The following LRRC4C variants were observed in gnomAD, a reference collection of about 807,000 sequenced individuals.
LRRC4C encodes leucine-rich repeat-containing protein 4C.
Under a neutral mutation model 33.6 loss-of-function variants are expected in LRRC4C, and 5 were observed. The observed-to-expected ratio is 0.15, with a 90% CI of 0.08 to 0.31. The LOEUF is 0.31. Ranked by LOEUF, LRRC4C falls within the 10% of genes least tolerant of loss-of-function variation. The pLI is 1.00. For missense variants in LRRC4C, 560 were observed against 796.7 expected, an observed-to-expected ratio of 0.70 and a Z score of 3.58; for synonymous variants, 329 against 302.0, an observed-to-expected ratio of 1.09 and a Z score of -0.93.
chr11:41,002,527 C>A (rs1040082781), intron 1 of LRRC4C, among the ~76,000 whole-genome samples: 5 of 152,140 alleles, frequency 3.3e-5, no homozygotes, highest in Admixed American at 3.3e-4. Flanking sequence ...TCTGTTTTTG[C>A]TACCAACTTT....
intron 3 of LRRC4C, among the ~76,000 whole-genome samples, chr11:40,632,410 A>T (rs951315867): frequency 1.3e-5 from 2 of 152,194 alleles, no homozygotes; most frequent in African/African-American, 4.8e-5. Context: ...AAGGAAGTAG[A>T]TTGATGATGT....
chr11:41,259,182 A>G (rs1481312407), intron 1 of LRRC4C, among the ~76,000 whole-genome samples: 1 of 151,980 alleles, frequency 6.6e-6, no homozygotes, highest in Non-Finnish European at 1.5e-5. Context: ...CGAACTTCTC[A>G]AGTAGAGATA....
intron 2 of LRRC4C, among the ~76,000 whole-genome samples, chr11:40,740,574 T>A (rs1948108465): frequency 6.6e-6 from 1 of 152,100 alleles, no homozygotes; most frequent in South Asian, 2.1e-4. Context: ...TTGCATATAT[T>A]TTCCCCCATT....
intron 1 of LRRC4C, among the ~76,000 whole-genome samples, chr11:41,211,455 G>A (rs189933543): frequency 4.4e-4 from 67 of 152,158 alleles, no homozygotes; most frequent in African/African-American, 1.5e-3. Flanking sequence ...CATTAGGTAT[G>A]TCTCCTAATG....
At chr11:41,264,520 G>T (rs1443369438) in intron 1 of LRRC4C, among the ~76,000 whole-genome samples, 1 of 152,120 alleles carries the variant, frequency 6.6e-6, no homozygotes, top group African/African-American at 2.4e-5. Context: ...TAGAATGAGA[G>T]AAAGGTCACA....
chr11:40,968,981 C>A (rs762075508), intron 1 of LRRC4C, among the ~76,000 whole-genome samples: 1 of 152,096 alleles, frequency 6.6e-6, no homozygotes, highest in African/African-American at 2.4e-5. Flanking sequence ...GTAGTGATTT[C>A]TTTAATGGAT....
intron 3 of LRRC4C, among the ~76,000 whole-genome samples, chr11:40,361,569 G>A (rs765792508): frequency 7.9e-5 from 12 of 152,058 alleles, no homozygotes; most frequent in Non-Finnish European, 1.5e-4. Flanking sequence ...ATCTTTACAA[G>A]GATAATTACA....
At chr11:40,153,498 G>T (rs906114349) in intron 5 of LRRC4C, among the ~76,000 whole-genome samples, 2 of 151,946 alleles carry the variant, frequency 1.3e-5, no homozygotes, top group Admixed American at 1.3e-4. Flanking sequence ...ATCAGGGAGG[G>T]ACCAGAGAAA....
intron 3 of LRRC4C, among the ~76,000 whole-genome samples, chr11:40,513,883 A>G (rs1180038707): frequency 6.6e-6 from 1 of 152,162 alleles, no homozygotes; most frequent in Non-Finnish European, 1.5e-5. Flanking sequence ...CTCACAGGAA[A>G]GGGTGATAGA....
At chr11:40,464,024 C>A (rs781121185) in intron 3 of LRRC4C, among the ~76,000 whole-genome samples, 6 of 151,954 alleles carry the variant, frequency 3.9e-5, no homozygotes, top group Admixed American at 3.9e-4. Flanking sequence ...AGCAAGCACA[C>A]AACAACAACA....
intron 3 of LRRC4C, among the ~76,000 whole-genome samples, chr11:40,563,366 G>A (rs969179402): frequency 6.6e-6 from 1 of 152,072 alleles, no homozygotes; most frequent in African/African-American, 2.4e-5. Flanking sequence ...AAAGCCTGGT[G>A]GAGATGAATG....
chr11:40,215,298 G>A (rs1863896268), intron 5 of LRRC4C, among the ~76,000 whole-genome samples: 2 of 152,166 alleles, frequency 1.3e-5, no homozygotes, highest in African/African-American at 4.8e-5. Context: ...GAGGTACTAA[G>A]CTAATCAGTA....
chr11:40,447,093 C>A, intron 3 of LRRC4C: 2 of 170,784 alleles, frequency 1.2e-5, no homozygotes, highest in South Asian at 3.4e-4. Context: ...TTCTGAGTGT[C>A]ATCCAGGTCC....
chr11:41,088,776 T>C (rs918845373), intron 1 of LRRC4C, among the ~76,000 whole-genome samples: 1 of 152,070 alleles, frequency 6.6e-6, no homozygotes, highest in Non-Finnish European at 1.5e-5. Context: ...AAAACTGAAC[T>C]GTGGCTGAAG....
chr11:40,842,812 G>T (rs1952971074), intron 2 of LRRC4C, among the ~76,000 whole-genome samples: 1 of 152,082 alleles, frequency 6.6e-6, no homozygotes, highest in Admixed American at 6.6e-5. Context: ...CTGGTAAATT[G>T]TCAGAAATCC....
intron 1 of LRRC4C, among the ~76,000 whole-genome samples, chr11:41,196,494 G>A (rs1271910748): frequency 6.6e-6 from 1 of 152,022 alleles, no homozygotes; most frequent in African/African-American, 2.4e-5. Context: ...TAGGCCATAG[G>A]AGAGATTGAA....
chr11:40,896,530 C>A (rs535736803), intron 2 of LRRC4C, among the ~76,000 whole-genome samples: 1 of 125,224 alleles, frequency 8.0e-6, no homozygotes, highest in African/African-American at 2.5e-5. Context: ...TGGGTCTGTA[C>A]AATTAGAATA....
chr11:40,698,445 A>G (rs111884690), intron 2 of LRRC4C, among the ~76,000 whole-genome samples: 1,943 of 151,454 alleles, frequency 0.013, 42 homozygotes, highest in African/African-American at 0.045. Flanking sequence ...AGTCAATAAG[A>G]GCATTTTTTT....
intron 1 of LRRC4C, among the ~76,000 whole-genome samples, chr11:40,974,024 C>A (rs975415190): frequency 5.9e-5 from 9 of 151,706 alleles, no homozygotes; most frequent in Non-Finnish European, 1.3e-4. Flanking sequence ...AATTTGAACA[C>A]CTGGGGAAAT....
Sources: allele counts gnomAD v4.1 joint callset (sites outside exome capture counted in the v4.1 genomes callset), GRCh38; gene constraint gnomAD v4.1.1; transcripts MANE v1.5; gene names NCBI Gene and HGNC (gene_info 2026-07-23, HGNC 2026-07-21).